Variants in FAM227B observed in about 807,000 individuals in gnomAD.
The protein encoded by FAM227B is family with sequence similarity 227 member B.
FAM227B carries 88 observed loss-of-function variants against 73.8 expected under a neutral mutation model. The observed-to-expected ratio is 1.19, with a 90% CI of 1.00 to 1.42. The LOEUF is 1.42. FAM227B is among the 40% of genes most tolerant of loss of function. FAM227B has a pLI of 0.00. For synonymous variants in FAM227B, 210 were observed against 190.5 expected, an observed-to-expected ratio of 1.10 and a Z score of -0.84; for missense variants, 632 against 590.9, an observed-to-expected ratio of 1.07 and a Z score of -0.72.
chr15:49,475,133 C>G (rs1326510878), intron 11 of FAM227B, among the ~76,000 whole-genome samples: 2 of 151,828 alleles, frequency 1.3e-5, no homozygotes, highest in Non-Finnish European at 2.9e-5. Flanking sequence ...ATTTTTTCAC[C>G]CTGCACTCCG....
intron 3 of FAM227B, among the ~76,000 whole-genome samples, chr15:49,610,013 G>C (rs1276198993): frequency 6.6e-6 from 1 of 151,796 alleles, no homozygotes; most frequent in Non-Finnish European, 1.5e-5. Context: ...AATAAGACAT[G>C]GTTTGATTTG....
chr15:49,578,019 T>C (rs1385413151), intron 5 of FAM227B, among the ~76,000 whole-genome samples: 3 of 152,218 alleles, frequency 2.0e-5, no homozygotes, highest in African/African-American at 7.2e-5. Context: ...TCAATGCCTT[T>C]TGGAATCAAT....
At chr15:49,346,716 T>A (rs1383681441) in intron 13 of FAM227B, among the ~76,000 whole-genome samples, 1 of 152,116 alleles carries the variant, frequency 6.6e-6, no homozygotes, top group East Asian at 1.9e-4. Context: ...AAGGCGAAAG[T>A]GCCCATTATA....
At chr15:49,364,322 T>G (rs1000371820) in intron 13 of FAM227B, among the ~76,000 whole-genome samples, 9 of 152,198 alleles carry the variant, frequency 5.9e-5, no homozygotes. Context: ...GGATTCAGTT[T>G]ATTCCTAGTT....
chr15:49,521,602 A>G (rs1236384003), intron 10 of FAM227B, among the ~76,000 whole-genome samples: 1 of 152,138 alleles, frequency 6.6e-6, no homozygotes, highest in Non-Finnish European at 1.5e-5. Flanking sequence ...AGCTTGCACA[A>G]AGGGAGGGCT....
chr15:49,538,031 CTG>C (rs1491540555), intron 10 of FAM227B, among the ~76,000 whole-genome samples: 1 of 152,040 alleles, frequency 6.6e-6, no homozygotes, highest in African/African-American at 2.4e-5. Flanking sequence ...GTTAATAAAA[CTG>C]TACTGTTAAA....
At chr15:49,424,145 A>G (rs2049922699) in intron 11 of FAM227B, 2 of 611,286 alleles carry the variant, frequency 3.3e-6, no homozygotes, top group Non-Finnish European at 5.6e-6. Flanking sequence ...AGGAACTAAA[A>G]GGATAAGGCT....
intron 13 of FAM227B, among the ~76,000 whole-genome samples, chr15:49,335,764 T>C (rs538030650): frequency 1.1e-3 from 160 of 152,360 alleles, no homozygotes; most frequent in African/African-American, 3.8e-3. Context: ...AATTACCTTT[T>C]GTATGTGTTT....
At chr15:49,458,415 TAA>T (rs2053510334) in intron 11 of FAM227B, among the ~76,000 whole-genome samples, 1 of 152,150 alleles carries the variant, frequency 6.6e-6, no homozygotes, top group Non-Finnish European at 1.5e-5. Flanking sequence ...CTTGTGTTTC[TAA>T]TTAATTCTCA....
intron 11 of FAM227B, among the ~76,000 whole-genome samples, chr15:49,452,381 T>A (rs1401469568): frequency 1.3e-5 from 2 of 152,146 alleles, no homozygotes; most frequent in Admixed American, 6.6e-5. Context: ...GCCAGTTACC[T>A]TACTATTTCA....
intron 11 of FAM227B, among the ~76,000 whole-genome samples, chr15:49,462,391 A>G (rs1238606532): frequency 1.3e-5 from 2 of 152,184 alleles, no homozygotes; most frequent in African/African-American, 2.4e-5. Context: ...TCTTAATCAC[A>G]ATGCTTTTTC....
At chr15:49,415,314 T>C (rs2049138754) in intron 11 of FAM227B, among the ~76,000 whole-genome samples, 1 of 152,192 alleles carries the variant, frequency 6.6e-6, no homozygotes, top group Non-Finnish European at 1.5e-5. Context: ...TGTCATGATG[T>C]CCTTCTAGGG....
At chr15:49,383,306 T>C (rs2046661798) in intron 11 of FAM227B, among the ~76,000 whole-genome samples, 1 of 152,150 alleles carries the variant, frequency 6.6e-6, no homozygotes, top group Non-Finnish European at 1.5e-5. Flanking sequence ...CACGGAACTC[T>C]GTGTAGAGCA....
At chr15:49,604,460 T>G (rs1189774080) in intron 3 of FAM227B, among the ~76,000 whole-genome samples, 1 of 152,162 alleles carries the variant, frequency 6.6e-6, no homozygotes, top group Non-Finnish European at 1.5e-5. Context: ...ACTTTCTTCT[T>G]GCTGCTTTCA....
chr15:49,403,619 T>C (rs1416293928), intron 11 of FAM227B, among the ~76,000 whole-genome samples: 3 of 152,054 alleles, frequency 2.0e-5, no homozygotes, highest in Non-Finnish European at 4.4e-5. Flanking sequence ...CCCCTTTGTC[T>C]TTTGTGATTG....
At chr15:49,515,699 C>A (rs768502506) in intron 10 of FAM227B, among the ~76,000 whole-genome samples, 15 of 152,144 alleles carry the variant, frequency 9.9e-5, no homozygotes, top group Non-Finnish European at 2.1e-4. Flanking sequence ...TTTAGTACTG[C>A]ATATGCTTCA....
intron 1 of FAM227B, among the ~76,000 whole-genome samples, chr15:49,615,499 T>C (rs1338331932): frequency 1.3e-5 from 2 of 152,216 alleles, no homozygotes; most frequent in East Asian, 3.9e-4. Flanking sequence ...AGACTTCTCA[T>C]GAGATCTGGT....
intron 13 of FAM227B, among the ~76,000 whole-genome samples, chr15:49,353,111 T>C (rs563949892): frequency 6.6e-6 from 1 of 152,276 alleles, no homozygotes; most frequent in East Asian, 1.9e-4. Flanking sequence ...CAGGGAAAAA[T>C]GGAAATAGTT....
intron 11 of FAM227B, among the ~76,000 whole-genome samples, chr15:49,465,256 A>G (rs2054160512): frequency 1.3e-5 from 2 of 151,596 alleles, no homozygotes; most frequent in African/African-American, 4.8e-5. Context: ...CAGCCTCCCA[A>G]GTAGGTGGGA....
Sources: allele counts gnomAD v4.1 joint callset (sites outside exome capture counted in the v4.1 genomes callset), GRCh38; gene constraint gnomAD v4.1.1; transcripts MANE v1.5; gene names NCBI Gene and HGNC (gene_info 2026-07-23, HGNC 2026-07-21).